The following PPP6R2 variants were observed in gnomAD, a reference collection of about 807,000 sequenced individuals.
The protein encoded by PPP6R2 is serine/threonine-protein phosphatase 6 regulatory subunit 2.
A neutral mutation model predicts 100.2 loss-of-function variants in PPP6R2; 62 were observed. The observed-to-expected ratio is 0.62, with a 90% CI of 0.50 to 0.76. The LOEUF is 0.76. PPP6R2 is among the 30% of genes least tolerant of loss of function. The pLI is 0.00. For missense variants in PPP6R2, 1,142 were observed against 1,276.3 expected (o/e 0.89, Z 1.60); for synonymous variants, 525 against 514.7 (o/e 1.02, Z -0.27).
At chr22:50,351,627 GT>G (rs773310347) in intron 1 of PPP6R2, among the ~76,000 whole-genome samples, 9 of 151,746 alleles carry the variant, frequency 5.9e-5, no homozygotes, top group Non-Finnish European at 1.2e-4. Context: ...TTGCTGTTTT[GT>G]TTTTGTTTTT....
intron 15 of PPP6R2, 27 bp from the exon 16 acceptor site, chr22:50,437,479 G>A (rs764770028): frequency 1.8e-5 from 14 of 776,312 alleles, no homozygotes; most frequent in Admixed American, 3.5e-5. Context: ...GTGTCTGTCC[G>A]TCCCTCCCTC....
At chr22:50,399,662 G>A (rs2057702761) in intron 3 of PPP6R2, among the ~76,000 whole-genome samples, 2 of 152,406 alleles carry the variant, frequency 1.3e-5, no homozygotes, top group Middle Eastern at 6.8e-3. Flanking sequence ...AGCAGCCACT[G>A]ACCCTGCTTA....
intron 1 of PPP6R2, among the ~76,000 whole-genome samples, chr22:50,360,473 C>T (rs1364402260): frequency 6.6e-6 from 1 of 151,880 alleles, no homozygotes; most frequent in Non-Finnish European, 1.5e-5. Flanking sequence ...AGAGACCCTC[C>T]TGCCTCAGTT....
intron 1 of PPP6R2, among the ~76,000 whole-genome samples, chr22:50,364,052 G>A (rs959536372): frequency 6.6e-5 from 10 of 151,918 alleles, no homozygotes; most frequent in African/African-American, 9.7e-5. Flanking sequence ...GCACCACCAC[G>A]TCTGGCTAGT....
intron 18 of PPP6R2, 46 bp downstream of exon 18, chr22:50,438,344 A>C: frequency 6.3e-7 from 1 of 1,585,502 alleles, no homozygotes; most frequent in Non-Finnish European, 8.6e-7. Context: ...GAGGAGGTTC[A>C]GCCCCCAGAA....
chr22:50,367,681 T>G (rs369814261), intron 1 of PPP6R2, among the ~76,000 whole-genome samples: 8 of 152,354 alleles, frequency 5.3e-5, no homozygotes, highest in African/African-American at 1.9e-4. Context: ...CTGGATAAAT[T>G]ACAATAAATA....
chr22:50,410,454 T>C (rs13054984), intron 4 of PPP6R2, among the ~76,000 whole-genome samples: 19 of 151,662 alleles, frequency 1.3e-4, no homozygotes, highest in Admixed American at 2.6e-4. Flanking sequence ...ATCTTTGTAT[T>C]ATTTTGAGTG....
chr22:50,406,947 C>G (rs1397952447), intron 4 of PPP6R2, 72 bp downstream of exon 4: 2 of 1,463,854 alleles, frequency 1.4e-6, no homozygotes, highest in Non-Finnish European at 1.9e-6. Context: ...TGCTGTGAGC[C>G]TGGCGGTGCG....
At chr22:50,404,553 C>A (rs1286168793) in intron 3 of PPP6R2, among the ~76,000 whole-genome samples, 1 of 151,786 alleles carries the variant, frequency 6.6e-6, no homozygotes, top group Non-Finnish European at 1.5e-5. Flanking sequence ...GTAGCTGAGA[C>A]CACAGGCATG....
At chr22:50,416,239 A>C in intron 6 of PPP6R2, 82 bp downstream of exon 6, 1 of 1,251,626 alleles carries the variant, frequency 8.0e-7, no homozygotes, top group Non-Finnish European at 1.2e-6. Flanking sequence ...CCAGGGGGCG[A>C]GGGAGGGCAA....
chr22:50,437,008 C>A lies in PPP6R2; in HGVS notation c.1623C>A (p.His541Gln). 6.4e-7 allele frequency: 1 copy of A among 1,560,394 alleles called. No individual in the cohort carries two copies. The highest frequency in any genetic ancestry group is 8.7e-7 in the Non-Finnish European group (1 of 1,152,252). Reference sequence around the variant, plus strand: ...TTTAGGTGAGCACTCACCACCTTCACTCCTCAAGTGAGGACGAGGACATTG... The same window carrying A: ...TTTAGGTGAGCACTCACCACCTTCAATCCTCAAGTGAGGACGAGGACATTG... ...TVDLVSTHHL[H>Q]SSSEDEDIEG... Residue 541 changes from histidine (H) to glutamine (Q), a missense_variant, in exon 15 of 24, where the codon CAC becomes CAA. By Grantham distance (24) the His-to-Gln change is conservative. Coordinates refer to ENST00000612753, the MANE Select transcript of PPP6R2 (RefSeq NM_001242898.2).
intron 3 of PPP6R2, among the ~76,000 whole-genome samples, chr22:50,401,444 T>G (rs1195593167): frequency 7.3e-6 from 1 of 137,620 alleles, no homozygotes; most frequent in Non-Finnish European, 1.5e-5. Context: ...CCTGACCTCG[T>G]GATCCGCCCG....
intron 1 of PPP6R2, among the ~76,000 whole-genome samples, chr22:50,350,588 G>A (rs1244795940): frequency 2.6e-5 from 4 of 151,514 alleles, no homozygotes; most frequent in Non-Finnish European, 1.5e-5. Flanking sequence ...GCTCACGCCT[G>A]TAATCCCAGC....
chr22:50,420,221 T>G (rs2061139526), intron 8 of PPP6R2, among the ~76,000 whole-genome samples: 1 of 152,138 alleles, frequency 6.6e-6, no homozygotes, highest in African/African-American at 2.4e-5. Context: ...AGCCTCGCAG[T>G]CAGGGACATT....
chr22:50,340,591 T>A (rs2042362058), upstream of PPP6R2, among the ~76,000 whole-genome samples: 1 of 106,446 alleles, frequency 9.4e-6, no homozygotes, highest in South Asian at 3.7e-4. Flanking sequence ...GTGTGTGGTG[T>A]GTGTGTGTGG....
intron 2 of PPP6R2, chr22:50,393,289 G>A: frequency 3.1e-6 from 2 of 640,380 alleles, no homozygotes; most frequent in Non-Finnish European, 3.9e-6. Flanking sequence ...GGGACGATGA[G>A]TGGATGGGCC....
At chr22:50,397,527 G>A (rs2057153833) in intron 3 of PPP6R2, among the ~76,000 whole-genome samples, 1 of 143,944 alleles carries the variant, frequency 6.9e-6, no homozygotes, top group South Asian at 2.2e-4. Flanking sequence ...TGAGGAGCAT[G>A]ACTTGGGATG....
At chr22:50,371,037 G>A (rs1015516668) in intron 1 of PPP6R2, among the ~76,000 whole-genome samples, 5 of 152,082 alleles carry the variant, frequency 3.3e-5, no homozygotes, top group Admixed American at 6.6e-5. Context: ...AGTGACAGTG[G>A]GTTCAAGAGC....
intron 1 of PPP6R2, among the ~76,000 whole-genome samples, chr22:50,357,962 A>C (rs1423146837): frequency 6.6e-6 from 1 of 151,444 alleles, no homozygotes; most frequent in Non-Finnish European, 1.5e-5. Context: ...TTTAAATTTT[A>C]ATTTCTTGAG....
Sources: gnomAD v4.1 joint callset for allele counts (sites outside exome capture counted in the v4.1 genomes callset) on GRCh38, gnomAD v4.1.1 for gene constraint, MANE v1.5 for transcripts, NCBI Gene and HGNC (gene_info 2026-07-23, HGNC 2026-07-21) for gene names.